The following DNAJB4 variants were observed in gnomAD, a reference collection of about 807,000 sequenced individuals.
DNAJB4 encodes DnaJ heat shock protein family (Hsp40) member B4.
Under a neutral mutation model 26.6 loss-of-function variants are expected in DNAJB4, and 10 were observed. The observed-to-expected ratio is 0.38, with a 90% CI of 0.23 to 0.64. DNAJB4 has a LOEUF of 0.64. Among genes scored for constraint, DNAJB4 ranks in the 30% least tolerant of loss-of-function variants. DNAJB4 has a pLI of 0.58. For missense variants in DNAJB4, 328 were observed against 408.2 expected (o/e 0.80, Z 1.69); for synonymous variants, 136 against 134.8 (o/e 1.01, Z -0.06).
chr1:78,013,121 T>G lies in DNAJB4; in HGVS notation c.282T>G (p.Pro94=), dbSNP rs1373738949. 4.3e-6 allele frequency: 7 copies of G among 1,614,048 alleles called. No individual in the cohort carries two copies. Among genetic ancestry groups the G allele is most frequent in the African/African-American group, 1.3e-5 (1 of 74,934 alleles). ...TCCGGTACACCTTTCATGGCGATCC[T>G]CATGCTACATTTGCTGCATTTTTCG... is the stretch of plus-strand genomic sequence containing the variant. ...GTFRYTFHGD[P]HATFAAFFGG... Residue 94 remains proline, a synonymous_variant, in exon 2 of 3, where the codon CCT becomes CCG. Coordinates refer to ENST00000370763, the MANE Select transcript of DNAJB4 (RefSeq NM_007034.5).
intron 1 of DNAJB4, among the ~76,000 whole-genome samples, chr1:77,987,959 AAT>A (rs1240784786): frequency 6.8e-6 from 1 of 148,078 alleles, no homozygotes; most frequent in Non-Finnish European, 1.5e-5. Flanking sequence ...ATATATACAT[AAT>A]ATATATGCAT....
At chr1:77,989,663 G>A (rs10437022) in intron 1 of DNAJB4, among the ~76,000 whole-genome samples, 139,243 of 152,228 alleles carry the variant, frequency 0.91, 63,844 homozygotes, top group African/African-American at 0.95. Context: ...TTACTTTTCT[G>A]TATCCCTCAT....
rs953328899 is a variant in DNAJB4, at chr1:77,997,200, C to T, written c.-31-7880C>T. Among the ~76,000 whole-genome samples the T allele has an allele frequency of 2.0e-5, 3 of 151,282 alleles. No individual in the cohort carries two copies. In the South Asian group the frequency reaches 6.3e-4, roughly 32 times the overall value. On this transcript the variant is annotated intron_variant, in intron 1 of 2. Coordinates refer to the DNAJB4 transcript ENST00000426517. ...CAAGTGTGACATTAAAAACTTTCAG[C>T]TGGGTGCAGTTGCACATGCCTGTAA...
In DNAJB4 at chr1:78,016,443, T is replaced by G; in HGVS notation, c.*196T>G. The G allele has an allele frequency of 1.8e-6, 1 of 559,412 alleles. No homozygotes were observed. Among genetic ancestry groups the G allele is most frequent in the East Asian group, 2.9e-5 (1 of 33,960 alleles). 34.7% of individuals were successfully genotyped at this position (559,412 alleles called of 1,614,324 possible). A position where few individuals can be genotyped will look rare whatever the true frequency, so the allele number is the denominator to read the frequency against. On this transcript the variant is annotated 3_prime_UTR_variant, in exon 3 of 3. Transcript: ENST00000370763. ...AGTTAGAGATAAAAGAGAAAACCAT[T>G]CACTGTATTTTATTTCATTTCTCCT...
At chr1:77,994,574 A>G (rs1571430542) in intron 1 of DNAJB4, among the ~76,000 whole-genome samples, 1 of 108,388 alleles carries the variant, frequency 9.2e-6, no homozygotes. Context: ...TCCTTAAACT[A>G]CTCTCTCTCT....
chr1:78,008,817 T>C (rs1466025251), intron 1 of DNAJB4, among the ~76,000 whole-genome samples: 1 of 152,154 alleles, frequency 6.6e-6, no homozygotes, highest in Non-Finnish European at 1.5e-5. Flanking sequence ...AAATTTAAAA[T>C]TGGATTCTGA....
At chr1:77,999,769 A>G (rs1338931323) in intron 1 of DNAJB4, among the ~76,000 whole-genome samples, 3 of 152,218 alleles carry the variant, frequency 2.0e-5, no homozygotes, top group Non-Finnish European at 4.4e-5. Context: ...TAAATGATTC[A>G]TCTAAGTTAC....
At chr1:77,985,625 T>G (rs574701336) in intron 1 of DNAJB4, among the ~76,000 whole-genome samples, 4 of 152,304 alleles carry the variant, frequency 2.6e-5, no homozygotes, top group African/African-American at 9.6e-5. Context: ...GATATTACCT[T>G]TAGATTCTTA....
At chr1:77,991,636 G>A (rs1161706421) in intron 1 of DNAJB4, among the ~76,000 whole-genome samples, 1 of 152,152 alleles carries the variant, frequency 6.6e-6, no homozygotes, top group Non-Finnish European at 1.5e-5. Flanking sequence ...TCAGTGGTCT[G>A]CCCTCATGTT....
At chr1:77,980,788 T>C (rs566059902) in intron 1 of DNAJB4, among the ~76,000 whole-genome samples, 1 of 152,322 alleles carries the variant, frequency 6.6e-6, no homozygotes, top group South Asian at 2.1e-4. Flanking sequence ...TGAGCCATCA[T>C]TTCCCTTTAA....
At chr1:78,011,400 CGTA>C (rs1660468266) in intron 1 of DNAJB4, among the ~76,000 whole-genome samples, 1 of 151,758 alleles carries the variant, frequency 6.6e-6, no homozygotes, top group Non-Finnish European at 1.5e-5. Context: ...GAATGACAAT[CGTA>C]GTGTCTAAAA....
At chr1:78,003,903 A>T (rs954456985), upstream of DNAJB4, among the ~76,000 whole-genome samples, 3 of 152,246 alleles carry the variant, frequency 2.0e-5, no homozygotes, top group South Asian at 4.1e-4. Context: ...AACAGGGATT[A>T]CCTAAAATGA....
In DNAJB4 at chr1:78,017,960, G is replaced by A. The variant is rs927199014; in HGVS notation, c.*1713G>A. On this transcript the variant is annotated 3_prime_UTR_variant, in exon 3 of 3. Transcript: ENST00000370763. Reference sequence around the variant, plus strand: ...TTTGGCTATTATAAATAATGCTGCTGTGAACATTTGTGTGCAAGTTTTTGT... The same window carrying A: ...TTTGGCTATTATAAATAATGCTGCTATGAACATTTGTGTGCAAGTTTTTGT... The A allele has an allele frequency of 1.1e-4, 16 of 151,710 alleles. No homozygotes were observed. The highest frequency in any genetic ancestry group is 3.6e-4 in the African/African-American group (15 of 41,290). The allele number at this position is 151,710 out of a possible 1,614,324, so 9.4% of individuals were successfully genotyped here.
At chr1:78,011,896 CAG>C (rs1660487687) in intron 1 of DNAJB4, among the ~76,000 whole-genome samples, 1 of 149,360 alleles carries the variant, frequency 6.7e-6, no homozygotes, top group South Asian at 2.1e-4. Flanking sequence ...TATATATAAA[CAG>C]TATGAATATG....
upstream of DNAJB4, chr1:78,004,843 C>T: frequency 2.4e-6 from 1 of 416,130 alleles, no homozygotes; most frequent in Non-Finnish European, 4.3e-6. Context: ...ATTTGCTGTT[C>T]TAGAAAGTAC....
intron 1 of DNAJB4, among the ~76,000 whole-genome samples, chr1:77,994,395 CAA>C (rs1216714137): frequency 2.9e-4 from 18 of 61,746 alleles, no homozygotes; most frequent in Admixed American, 3.7e-4. Context: ...AAGACTGTCT[CAA>C]AAAAAAAAAA....
At chr1:77,981,131 C>G (rs1430562059) in intron 1 of DNAJB4, 1 of 151,174 alleles carries the variant, frequency 6.6e-6, no homozygotes, top group African/African-American at 2.4e-5. Flanking sequence ...TTTTAGTTAT[C>G]ACTGAATATT....
chr1:77,979,345 A>C, upstream of DNAJB4: 2 of 271,138 alleles, frequency 7.4e-6, no homozygotes, highest in Non-Finnish European at 1.4e-5. Flanking sequence ...TGGCCAGTTG[A>C]CTGCGACTGT....
chr1:77,980,310 A>G (rs949285560), exon 1 of DNAJB4: 6 of 149,664 alleles, frequency 4.0e-5, no homozygotes, highest in Non-Finnish European at 8.9e-5. Context: ...CTGAATTGTC[A>G]TCACAGGACT....
Sources: allele counts gnomAD v4.1 joint callset (sites outside exome capture counted in the v4.1 genomes callset), GRCh38; gene constraint gnomAD v4.1.1; transcripts MANE v1.5; gene names NCBI Gene and HGNC (gene_info 2026-07-23, HGNC 2026-07-21).